ARSL: variants seen among roughly 807,000 people sequenced by gnomAD.
ARSL encodes the protein arylsulfatase E (chondrodysplasia punctata 1).
ARSL carries 4 observed loss-of-function variants against 31.1 expected under a neutral mutation model. The ratio of observed to expected loss-of-function variants is 0.13; its 90% CI spans 0.06 to 0.29. The LOEUF (loss-of-function observed/expected upper bound fraction) is 0.29, where lower values mean the gene tolerates loss of function less well. ARSL is among the 10% of genes least tolerant of loss of function. The pLI is 1.00. For synonymous variants in ARSL, 198 were observed against 209.9 expected (o/e 0.94, Z 0.49); for missense variants, 312 against 497.8 (o/e 0.63, Z 3.55).
At chrX:2,944,419 A>T (rs1265787305) in intron 7 of ARSL, among the ~76,000 whole-genome samples, 1 of 103,251 alleles carries the variant, frequency 9.7e-6, no homozygotes, top group Non-Finnish European at 2.0e-5. Flanking sequence ...GTGCCATTGC[A>T]CTCCAGCCTG....
At chrX:2,955,034 G>A (rs971488766) in intron 4 of ARSL, among the ~76,000 whole-genome samples, 1 of 111,568 alleles carries the variant, frequency 9.0e-6, no homozygotes, top group African/African-American at 3.3e-5. Flanking sequence ...TCTCATAAAA[G>A]TGATGGTTGG....
At chrX:2,943,720 TG>T in intron 7 of ARSL, among the ~76,000 whole-genome samples, 1 of 75,989 alleles carries the variant, frequency 1.3e-5, no homozygotes, top group East Asian at 4.6e-4. Flanking sequence ...CCAGCCTGGG[TG>T]ACAGAGTGAG....
intron 4 of ARSL, among the ~76,000 whole-genome samples, chrX:2,953,750 ACT>A (rs1481255773): frequency 9.1e-6 from 1 of 109,899 alleles, no homozygotes; most frequent in African/African-American, 3.3e-5. Flanking sequence ...ACAGGGTCTC[ACT>A]CTGTCACCCA....
chrX:2,940,176 C>T lies in ARSL; in HGVS notation c.1127-1919G>A, dbSNP rs182178999. Among the ~76,000 whole-genome samples, 660 of 110,152 alleles carry T rather than the reference C, an allele frequency of 6.0e-3. 3 individuals are homozygous for T. Among genetic ancestry groups the T allele is most frequent in the Non-Finnish European group, 9.7e-3 (510 of 52,788 alleles). ...AGCCACTGCGCCTGGCCTTATCCTTCTTGGATGCATTGTCTGAAGGTAAAA... is the reference window on the plus strand; with the variant it reads ...AGCCACTGCGCCTGGCCTTATCCTTTTTGGATGCATTGTCTGAAGGTAAAA... On this transcript the variant is annotated intron_variant, in intron 8 of 10. Transcript: ENST00000381134.
chrX:2,936,601 C>T (rs962968007), intron 10 of ARSL, 141 bp downstream of exon 10: 31 of 836,468 alleles, frequency 3.7e-5, no homozygotes, highest in African/African-American at 1.0e-4. Flanking sequence ...TTAAAAAGCT[C>T]GTGGAGAAAA....
At chrX:2,964,682 T>G, upstream of ARSL, 3 of 119,385 alleles carry the variant, frequency 2.5e-5, no homozygotes, top group Non-Finnish European at 3.4e-5. Context: ...AATATGATCA[T>G]ATCCAACCTG....
chrX:2,959,951 G>GAA (rs1490941490), intron 2 of ARSL: 1 of 219,372 alleles, frequency 4.6e-6, no homozygotes, highest in African/African-American at 3.1e-5. Context: ...GAGAAAGAAA[G>GAA]AAAGAAAGAA....
At chrX:2,959,585 G>A (rs1569110366) in intron 2 of ARSL, 2 of 1,141,240 alleles carry the variant, frequency 1.8e-6, no homozygotes, top group Non-Finnish European at 2.3e-6. Flanking sequence ...CTGGCCGATG[G>A]TAGCGGTTGA....
At chrX:2,936,643 G>T in intron 10 of ARSL, 99 bp downstream of exon 10, 1 of 1,091,967 alleles carries the variant, frequency 9.2e-7, no homozygotes, top group South Asian at 1.9e-5. Flanking sequence ...GATGGACTCT[G>T]GAATGCAGCT....
chrX:2,959,653 C>T, intron 2 of ARSL: 1 of 1,154,298 alleles, frequency 8.7e-7, no homozygotes, highest in Non-Finnish European at 1.1e-6. Context: ...CCTGGGGCAA[C>T]ATCAAATCAA....
upstream of ARSL, chrX:2,964,489 T>C (rs1276639434): frequency 4.0e-6 from 3 of 748,285 alleles, no homozygotes; most frequent in African/African-American, 7.0e-5. Flanking sequence ...TTATTTTGTT[T>C]TATTTTTTGT....
chrX:2,946,322 CTTTTTTTTTTT>C (rs747661858), intron 6 of ARSL, among the ~76,000 whole-genome samples, 188 bp from the exon 7 acceptor site: 12 of 69,101 alleles, frequency 1.7e-4, no homozygotes, highest in South Asian at 7.7e-4. Flanking sequence ...AACAATCTTC[CTTTTTTTTTTT>C]TTTTTTTTTT....
intron 4 of ARSL, 98 bp downstream of exon 4, chrX:2,955,318 C>G: frequency 9.5e-7 from 1 of 1,052,794 alleles, no homozygotes; most frequent in Non-Finnish European, 1.3e-6. Context: ...CCCCCAGTCT[C>G]TATTTAAATA....
chrX:2,947,145 C>T (rs1204768115), intron 6 of ARSL, among the ~76,000 whole-genome samples: 1 of 110,729 alleles, frequency 9.0e-6, no homozygotes, highest in African/African-American at 3.3e-5. Context: ...GATTGCGCCA[C>T]TGCACTTCAG....
At chrX:2,938,074 T>C (rs775534769) in intron 9 of ARSL, 21 bp downstream of exon 9, 7 of 1,209,827 alleles carry the variant, frequency 5.8e-6, no homozygotes, top group Non-Finnish European at 7.8e-6. Context: ...AGCTGAATTG[T>C]TTCTTTGGGT....
chrX:2,959,664 G>A, intron 2 of ARSL: 1 of 1,154,011 alleles, frequency 8.7e-7, no homozygotes, highest in Non-Finnish European at 1.1e-6. Flanking sequence ...ATCAAATCAA[G>A]GGAGCCTGGA....
chrX:2,960,694 C>G (rs1285872951), intron 1 of ARSL, among the ~76,000 whole-genome samples: 1 of 111,620 alleles, frequency 9.0e-6, no homozygotes, highest in Non-Finnish European at 1.9e-5. Flanking sequence ...GTCATAGGGT[C>G]TCCATCCCCT....
chrX:2,967,784 G>A (rs1342878369), upstream of ARSL, among the ~76,000 whole-genome samples: 1 of 111,493 alleles, frequency 9.0e-6, no homozygotes, highest in Admixed American at 9.5e-5. Context: ...TGTGTTCAAC[G>A]CTTCGCCTGG....
chrX:2,957,089 T>C (rs1036216427), intron 3 of ARSL, among the ~76,000 whole-genome samples: 29 of 106,952 alleles, frequency 2.7e-4, no homozygotes, highest in African/African-American at 9.5e-4. Context: ...GGTGTGGTGG[T>C]GGGCGCCTGT....
Sources: gnomAD v4.1 joint callset for allele counts (sites outside exome capture counted in the v4.1 genomes callset) on GRCh38, gnomAD v4.1.1 for gene constraint, MANE v1.5 for transcripts, NCBI Gene and HGNC (gene_info 2026-07-23, HGNC 2026-07-21) for gene names.